The following NCOA1 variants were observed in gnomAD, a reference collection of about 807,000 sequenced individuals.
The protein encoded by NCOA1 is Hin-2 protein.
In NCOA1, 35 loss-of-function variants were observed where a neutral mutation model predicts 150.9. The observed-to-expected ratio is 0.23, with a 90% CI of 0.18 to 0.31. The LOEUF (loss-of-function observed/expected upper bound fraction) is 0.31, where lower values mean the gene tolerates loss of function less well. Ranked by LOEUF, NCOA1 falls within the 10% of genes least tolerant of loss-of-function variation. The pLI is 1.00. For missense variants in NCOA1, 1,491 were observed against 1,749.3 expected, an observed-to-expected ratio of 0.85 and a Z score of 2.63; for synonymous variants, 590 against 630.0, an observed-to-expected ratio of 0.94 and a Z score of 0.95.
At chr2:24,506,273 G>C (rs1463915170) in intron 1 of NCOA1, among the ~76,000 whole-genome samples, 2 of 151,896 alleles carry the variant, frequency 1.3e-5, no homozygotes, top group African/African-American at 4.8e-5. Context: ...CAGCTGGTTT[G>C]CTTGTATTAT....
chr2:24,754,224 A>G (rs2148683865), intron 20 of NCOA1, among the ~76,000 whole-genome samples: 1 of 152,110 alleles, frequency 6.6e-6, no homozygotes. Flanking sequence ...TAATCTCCAC[A>G]TGGGTAGCCA....
chr2:24,730,881 A>AC (rs1206200743), intron 17 of NCOA1, among the ~76,000 whole-genome samples: 1 of 150,592 alleles, frequency 6.6e-6, no homozygotes, highest in Non-Finnish European at 1.5e-5. Context: ...CAAAAAAAAA[A>AC]AAAAAAAAAA....
At chr2:24,547,976 G>A (rs1320058451) in intron 1 of NCOA1, among the ~76,000 whole-genome samples, 2 of 106,050 alleles carry the variant, frequency 1.9e-5, no homozygotes, top group Non-Finnish European at 3.6e-5. Context: ...GCAACAGAGT[G>A]AGACTCTGTC....
intron 1 of NCOA1, among the ~76,000 whole-genome samples, chr2:24,534,787 A>G (rs1175928482): frequency 1.3e-5 from 2 of 152,102 alleles, no homozygotes; most frequent in Non-Finnish European, 2.9e-5. Context: ...CCTGAGTTCT[A>G]ATTTGATTGC....
At chr2:24,741,666 C>A in intron 18 of NCOA1, 118 bp from the exon 19 acceptor site, 1 of 1,114,746 alleles carries the variant, frequency 9.0e-7, no homozygotes, top group Non-Finnish European at 1.3e-6. Flanking sequence ...TTCCCTTGTA[C>A]AGTGATAATT....
At chr2:24,611,766 T>A (rs977588816) in intron 3 of NCOA1, among the ~76,000 whole-genome samples, 4 of 152,232 alleles carry the variant, frequency 2.6e-5, no homozygotes, top group African/African-American at 9.6e-5. Context: ...TTCATTTACA[T>A]GATAGATCTT....
chr2:24,697,614 TATA>T, intron 10 of NCOA1, 41 bp from the exon 11 acceptor site: 1 of 1,513,684 alleles, frequency 6.6e-7, no homozygotes, highest in African/African-American at 1.4e-5. Flanking sequence ...AGATGATTTA[TATA>T]AAGAGGCTGT....
chr2:24,575,939 C>A (rs1666936334), intron 2 of NCOA1, among the ~76,000 whole-genome samples: 1 of 151,628 alleles, frequency 6.6e-6, no homozygotes, highest in South Asian at 2.1e-4. Context: ...TTTTTGATGC[C>A]CTTTAAGACT....
intron 20 of NCOA1, among the ~76,000 whole-genome samples, chr2:24,755,932 C>T (rs1329340306): frequency 6.6e-6 from 1 of 151,998 alleles, no homozygotes; most frequent in African/African-American, 2.4e-5. Context: ...GAAATGTTCT[C>T]ATTAGAAAAT....
intron 8 of NCOA1, among the ~76,000 whole-genome samples, chr2:24,684,848 C>T (rs1478254702): frequency 6.6e-6 from 1 of 152,110 alleles, no homozygotes; most frequent in East Asian, 1.9e-4. Flanking sequence ...TAAAGGCCAA[C>T]TACACTAACT....
intron 1 of NCOA1, among the ~76,000 whole-genome samples, chr2:24,503,052 T>G (rs1663531245): frequency 6.6e-6 from 1 of 152,218 alleles, no homozygotes; most frequent in African/African-American, 2.4e-5. Flanking sequence ...ACATAGATAT[T>G]ACAATATTTG....
intron 5 of NCOA1, among the ~76,000 whole-genome samples, chr2:24,660,144 G>A (rs918704442): frequency 6.6e-6 from 1 of 152,174 alleles, no homozygotes; most frequent in African/African-American, 2.4e-5. Context: ...GAGGAAGGTT[G>A]AGATCAAGAT....
chr2:24,697,652 G>A lies in NCOA1; in HGVS notation c.809-6G>A. The A allele has an allele frequency of 1.2e-6, 2 of 1,605,082 alleles. No homozygotes were observed. Among genetic ancestry groups the A allele is most frequent in the Non-Finnish European group, 1.7e-6 (2 of 1,174,104 alleles). ...TTATAAATATAAACTTTCATTCTTT[G>A]TACAGGTAAAATCATCTCTATTGAT... is the stretch of plus-strand genomic sequence containing the variant. On this transcript the variant is annotated splice_polypyrimidine_tract_variant and splice_region_variant and intron_variant, in intron 10 of 22. Coordinates refer to ENST00000348332, the MANE Select transcript of NCOA1 (RefSeq NM_003743.5).
rs919876417 is a variant in NCOA1 at position 24,575,897 on chromosome 2, G to A, written c.-259-8579G>A. The stretch of plus-strand genomic sequence containing the variant: ...CGAAGAGGCCATTCTTTTAAGTAAT[G>A]TTGGTCTAAGTTTTGGCATGCAGTT... On this transcript the variant is annotated intron_variant, in intron 2 of 22. Coordinates refer to ENST00000348332, the MANE Select transcript of NCOA1 (RefSeq NM_003743.5). 2.6e-5 allele frequency among the ~76,000 whole-genome samples: 4 copies of A among 152,228 alleles called. No homozygotes were observed. The South Asian group carries it at 6.2e-4, about 24-fold the overall frequency.
At chr2:24,601,549 G>A (rs565602775) in intron 3 of NCOA1, among the ~76,000 whole-genome samples, 1 of 150,844 alleles carries the variant, frequency 6.6e-6, no homozygotes, top group African/African-American at 2.4e-5. Flanking sequence ...ATCTTTTTCT[G>A]ACAGTTTTAT....
intron 1 of NCOA1, among the ~76,000 whole-genome samples, chr2:24,520,726 A>G (rs1352674483): frequency 6.6e-6 from 1 of 152,232 alleles, no homozygotes; most frequent in Non-Finnish European, 1.5e-5. Flanking sequence ...TATAAAACTA[A>G]ATTTTAAACA....
chr2:24,628,435 C>A (rs998474741), intron 3 of NCOA1, among the ~76,000 whole-genome samples: 2 of 151,932 alleles, frequency 1.3e-5, no homozygotes, highest in African/African-American at 4.8e-5. Context: ...GAGCTTTTAA[C>A]TATATTAGGA....
intron 14 of NCOA1, 102 bp from the exon 15 acceptor site, chr2:24,726,487 T>C: frequency 1.6e-6 from 1 of 634,946 alleles, no homozygotes; most frequent in Non-Finnish European, 2.7e-6. Flanking sequence ...TGAAGTAATA[T>C]TTTAAAGGAG....
intron 4 of NCOA1, among the ~76,000 whole-genome samples, chr2:24,652,872 C>G (rs1271855910): frequency 1.3e-5 from 2 of 151,974 alleles, no homozygotes; most frequent in African/African-American, 4.8e-5. Context: ...ATTTAAGTAC[C>G]CTGACTGCGA....
Sources: gnomAD v4.1 joint callset for allele counts (sites outside exome capture counted in the v4.1 genomes callset) on GRCh38, gnomAD v4.1.1 for gene constraint, MANE v1.5 for transcripts, NCBI Gene and HGNC (gene_info 2026-07-23, HGNC 2026-07-21) for gene names.